The following FAM83F variants were observed in gnomAD, a reference collection of about 807,000 sequenced individuals.
The protein encoded by FAM83F is protein FAM83F.
In FAM83F, 45 loss-of-function variants were observed where a neutral mutation model predicts 42.9. The observed-to-expected ratio is 1.05, with a 90% CI of 0.83 to 1.35. The LOEUF is 1.35. Among genes scored for constraint, FAM83F ranks in the 40% most tolerant of loss-of-function variants. The probability of loss-of-function intolerance (pLI) is 0.00; values close to 1 mark genes in which losing one functional copy is unlikely to be tolerated. For missense variants in FAM83F, 617 were observed against 695.9 expected (o/e 0.89, Z 1.28); for synonymous variants, 306 against 298.3 (o/e 1.03, Z -0.27).
intron 4 of FAM83F, among the ~76,000 whole-genome samples, chr22:40,028,484 C>G (rs924503573): frequency 6.6e-6 from 1 of 152,170 alleles, no homozygotes; most frequent in Non-Finnish European, 1.5e-5. Flanking sequence ...CGCCTTCCAC[C>G]TGGGGAAAGG....
At position 40,041,618 on chromosome 22, in the gene FAM83F, G is replaced by A. The variant is rs745511601; in HGVS notation, c.*12053G>A. Reference sequence around the variant, plus strand: ...CTATAAGTATAGAAAGCGAGGGCAGGTTCCATCCAAAGCCGCAGTTCTGGG... The same window carrying A: ...CTATAAGTATAGAAAGCGAGGGCAGATTCCATCCAAAGCCGCAGTTCTGGG... On this transcript the variant is annotated 3_prime_UTR_variant, in exon 5 of 5. Transcript: ENST00000333407. 3 of 152,150 alleles carry A rather than the reference G, an allele frequency of 2.0e-5. No homozygotes were observed. Among genetic ancestry groups the A allele is most frequent in the African/African-American group, 7.2e-5 (3 of 41,432 alleles). The allele number at this position is 152,150 out of a possible 1,614,324, so 9.4% of individuals were successfully genotyped here. A position where few individuals can be genotyped will look rare whatever the true frequency, so the allele number is the denominator to read the frequency against.
intron 1 of FAM83F, among the ~76,000 whole-genome samples, chr22:40,011,450 TG>T (rs1362770537): frequency 2.6e-5 from 4 of 152,230 alleles, no homozygotes; most frequent in Non-Finnish European, 5.9e-5. Context: ...CCCAAAGGGC[TG>T]GGATAGTTTA....
At position 40,016,203 on chromosome 22, in the gene FAM83F, TTTA is replaced by T. The variant is rs558716433; in HGVS notation, c.490-2962_490-2960del. 1.2e-4 allele frequency among the ~76,000 whole-genome samples: 19 copies of T among 152,022 alleles called. No homozygotes were observed. The South Asian group carries it at 3.7e-3, about 30-fold the overall frequency. ...GACTATACGTTGTTGTTGTTGTTTT[TTTA>T]TTTTTTTTTGAGATAGAGTCTCACT... is the stretch of plus-strand genomic sequence containing the variant. On this transcript the variant is annotated intron_variant, in intron 1 of 4. Coordinates refer to ENST00000333407, the MANE Select transcript of FAM83F (RefSeq NM_138435.4).
At chr22:40,022,549 G>A (rs998019576) in intron 4 of FAM83F, among the ~76,000 whole-genome samples, 11 of 152,074 alleles carry the variant, frequency 7.2e-5, no homozygotes, top group African/African-American at 2.4e-4. Context: ...GTTTCTCCAC[G>A]TCCCTCTGCT....
chr22:40,028,711 C>T (rs922467310), intron 4 of FAM83F, among the ~76,000 whole-genome samples: 2 of 152,188 alleles, frequency 1.3e-5, no homozygotes, highest in Non-Finnish European at 2.9e-5. Flanking sequence ...CTTCTCTGGC[C>T]GGGGGCGGGG....
In FAM83F at chr22:39,995,104, C is replaced by T; in HGVS notation, c.62C>T (p.Ala21Val). The change falls in exon 1 of 5, where the codon GCG (alanine) becomes GTG (valine). Residue 21 changes from alanine to valine, a missense_variant. By Grantham distance (64) the Ala-to-Val change is moderately conservative. Coordinates refer to ENST00000333407, the MANE Select transcript of FAM83F (RefSeq NM_138435.4). This position sits in a 1 kb window ranked among gnomAD's most constrained non-coding sequence, Gnocchi z 4.6. ...CACGTGAACGAGAAGGTGACCGAGGCGCAGGCCGCCTTCTACTACTGCGAG... is the reference window on the plus strand; with the variant it reads ...CACGTGAACGAGAAGGTGACCGAGGTGCAGGCCGCCTTCTACTACTGCGAG... ...EAHVNEKVTE[A>V]QAAFYYCERR... 8.8e-6 allele frequency: 12 copies of T among 1,358,770 alleles called. No homozygotes were observed. The highest frequency in any genetic ancestry group is 1.1e-5 in the Non-Finnish European group (12 of 1,064,436). 84.2% of individuals were successfully genotyped at this position (1,358,770 alleles called of 1,614,324 possible).
intron 4 of FAM83F, among the ~76,000 whole-genome samples, chr22:40,026,735 T>A (rs931442948): frequency 6.6e-6 from 1 of 152,070 alleles, no homozygotes; most frequent in African/African-American, 2.4e-5. Flanking sequence ...ACAGTCCCTT[T>A]CCAGAACTCT....
chr22:40,017,934 C>G (rs2067500537), intron 1 of FAM83F, among the ~76,000 whole-genome samples: 2 of 152,128 alleles, frequency 1.3e-5, no homozygotes, highest in Admixed American at 6.5e-5. Context: ...TCTCTCCGAC[C>G]CCAGAGCCGA....
rs755112704 is a variant in FAM83F, at chr22:40,021,997, C to T, written c.1453+34C>T. The T allele has an allele frequency of 6.6e-7, 1 of 1,506,146 alleles. No homozygotes were observed. The highest frequency in any genetic ancestry group is 8.9e-7 in the Non-Finnish European group (1 of 1,128,184). 93.3% of individuals were successfully genotyped at this position (1,506,146 alleles called of 1,614,324 possible). On this transcript the variant is annotated intron_variant, in intron 4 of 4. Coordinates refer to ENST00000333407, the MANE Select transcript of FAM83F (RefSeq NM_138435.4). The surrounding 1 kb of genome is among the most constrained non-coding windows in gnomAD (Gnocchi z 8.7). ...TCTTCCCTCTGGCCTGGTGCCTCCC[C>T]AGGCCTCTGGCCCTCGCCCCGCATC...
In FAM83F at chr22:40,036,493, G is replaced by A. The variant is rs1332548597; in HGVS notation, c.*6928G>A. 1 of 152,214 alleles carries A rather than the reference G, an allele frequency of 6.6e-6. No individual in the cohort carries two copies. The highest frequency in any genetic ancestry group is 1.5e-5 in the Non-Finnish European group (1 of 68,036). The allele number at this position is 152,214 out of a possible 1,614,324, so 9.4% of individuals were successfully genotyped here. On this transcript the variant is annotated 3_prime_UTR_variant, in exon 5 of 5. Transcript: ENST00000333407. ...GTCCCACAACCTTTCTGGATTGATAGTTTGTGGTGAAATAAACAATTTTAG... is the reference window on the plus strand; with the variant it reads ...GTCCCACAACCTTTCTGGATTGATAATTTGTGGTGAAATAAACAATTTTAG...
At position 40,019,344 on chromosome 22, in the gene FAM83F, C is replaced by T. The variant is rs1304771240; in HGVS notation, c.657+9C>T. On this transcript the variant is annotated intron_variant, in intron 2 of 4. Transcript: ENST00000333407. Reference sequence around the variant, plus strand: ...CTGACTTCCGGATTCGGGTAAGTTGCACCACTGGGGTGGAAAGTGGACAGG... The same window carrying T: ...CTGACTTCCGGATTCGGGTAAGTTGTACCACTGGGGTGGAAAGTGGACAGG... 3 of 1,612,714 alleles carry T rather than the reference C, an allele frequency of 1.9e-6. No homozygotes were observed. The highest frequency in any genetic ancestry group is 2.5e-6 in the Non-Finnish European group (3 of 1,179,072).
In FAM83F at chr22:40,032,650, G is replaced by A. The variant is rs2067596052; in HGVS notation, c.*3085G>A. ...TGACAGCGATCTTGGCTCACTGCAA[G>A]CTCCGCCTCCCGGGTTCACGCCATT... On this transcript the variant is annotated 3_prime_UTR_variant, in exon 5 of 5. Transcript: ENST00000333407. 1 of 151,162 alleles carries A rather than the reference G, an allele frequency of 6.6e-6. No individual in the cohort carries two copies. The highest frequency in any genetic ancestry group is 1.5e-5 in the Non-Finnish European group (1 of 67,884). 9.4% of individuals were successfully genotyped at this position (151,162 alleles called of 1,614,324 possible).
At chr22:40,001,813 G>T (rs1482171642) in intron 1 of FAM83F, among the ~76,000 whole-genome samples, 1 of 152,154 alleles carries the variant, frequency 6.6e-6, no homozygotes, top group African/African-American at 2.4e-5. Context: ...AGGAGGGAAG[G>T]GTGGCCAAAT....
intron 3 of FAM83F, among the ~76,000 whole-genome samples, chr22:40,020,652 G>A (rs1305018739): frequency 6.6e-6 from 1 of 152,078 alleles, no homozygotes; most frequent in Non-Finnish European, 1.5e-5. Context: ...TGTGAGCCTG[G>A]CCTCAGAATT....
At chr22:40,020,128 T>C in intron 3 of FAM83F, 120 bp downstream of exon 3, 6 of 1,394,366 alleles carry the variant, frequency 4.3e-6, no homozygotes, top group Non-Finnish European at 9.5e-7. Context: ...TCTGACGCAA[T>C]AGCAAAGGAC....
chr22:40,001,512 A>G (rs964176096), intron 1 of FAM83F, among the ~76,000 whole-genome samples: 1 of 152,042 alleles, frequency 6.6e-6, no homozygotes, highest in African/African-American at 2.4e-5. Flanking sequence ...GGTGGTGTCT[A>G]CCTGTAATCC....
intron 1 of FAM83F, among the ~76,000 whole-genome samples, chr22:40,001,525 A>G (rs1350721542): frequency 2.0e-5 from 3 of 152,072 alleles, no homozygotes; most frequent in Admixed American, 2.0e-4. Context: ...TGTAATCCCA[A>G]CTACTCTGGA....
chr22:40,015,607 A>C (rs972538267), intron 1 of FAM83F, among the ~76,000 whole-genome samples: 8 of 152,082 alleles, frequency 5.3e-5, no homozygotes, highest in Non-Finnish European at 1.0e-4. Flanking sequence ...CGTGTGCAGG[A>C]CACACTCGTG....
chr22:39,995,670 C>CT lies in FAM83F; in HGVS notation c.489+140dup. The CT allele has an allele frequency of 7.4e-7, 1 of 1,357,248 alleles. No individual in the cohort carries two copies. 84.1% of individuals were successfully genotyped at this position (1,357,248 alleles called of 1,614,324 possible). On this transcript the variant is annotated intron_variant, in intron 1 of 4. Coordinates refer to ENST00000333407, the MANE Select transcript of FAM83F (RefSeq NM_138435.4). This position sits in a 1 kb window ranked among gnomAD's most constrained non-coding sequence, Gnocchi z 4.6. Reference sequence around the variant, plus strand: ...ATGGGCCCCAACCCGCCCCTACTTCCTGGGGCTGCAGTGAGGCCTGTAGAG... The same window carrying CT: ...ATGGGCCCCAACCCGCCCCTACTTCCTTGGGGCTGCAGTGAGGCCTGTAGAG...
Sources: gnomAD v4.1 joint callset for allele counts (sites outside exome capture counted in the v4.1 genomes callset) on GRCh38, gnomAD v4.1.1 for gene constraint, Gnocchi (gnomAD v3.1) non-coding constraint, MANE v1.5 for transcripts, NCBI Gene and HGNC (gene_info 2026-07-23, HGNC 2026-07-21) for gene names.